Variants in UBIAD1 observed in about 807,000 individuals in gnomAD.
UBIAD1 encodes the protein ubiA prenyltransferase domain-containing protein 1.
UBIAD1 carries 12 observed loss-of-function variants against 20.1 expected under a neutral mutation model. The ratio of observed to expected loss-of-function variants is 0.60; its 90% confidence interval spans 0.38 to 0.97. UBIAD1 has a LOEUF of 0.97. Ranked by LOEUF, UBIAD1 falls within the 50% of genes least tolerant of loss-of-function variation. The probability of loss-of-function intolerance (pLI) is 0.00; values close to 1 mark genes in which losing one functional copy is unlikely to be tolerated. For missense variants in UBIAD1, 333 were observed against 419.5 expected, an observed-to-expected ratio of 0.79 and a Z score of 1.80; for synonymous variants, 207 against 189.2, an observed-to-expected ratio of 1.09 and a Z score of -0.77.
downstream of UBIAD1, among the ~76,000 whole-genome samples, chr1:11,290,258 C>T (rs1299759924): frequency 6.6e-6 from 1 of 152,218 alleles, no homozygotes; most frequent in South Asian, 2.1e-4. Context: ...TCCCAAATGT[C>T]TGGGATCACC....
downstream of UBIAD1, chr1:11,295,615 A>C (rs927723889): frequency 2.0e-5 from 3 of 152,338 alleles, no homozygotes; most frequent in Non-Finnish European, 4.4e-5. Flanking sequence ...CGCTGAGCCC[A>C]AGTCTCCTGC....
intron 1 of UBIAD1, among the ~76,000 whole-genome samples, chr1:11,284,282 G>C (rs906767825): frequency 6.6e-6 from 1 of 152,070 alleles, no homozygotes; most frequent in African/African-American, 2.4e-5. Context: ...GTGTCTGAAG[G>C]CTCTGACGGA....
chr1:11,284,070 C>T (rs1652328598), intron 1 of UBIAD1, among the ~76,000 whole-genome samples: 1 of 152,200 alleles, frequency 6.6e-6, no homozygotes, highest in Non-Finnish European at 1.5e-5. Context: ...GACACATGTC[C>T]TGCCCTCATG....
intron 1 of UBIAD1, among the ~76,000 whole-genome samples, chr1:11,280,134 G>A (rs1652193473): frequency 6.6e-6 from 1 of 152,200 alleles, no homozygotes; most frequent in African/African-American, 2.4e-5. Context: ...ACTTGAAGAC[G>A]GAAGGATAAG....
downstream of UBIAD1, among the ~76,000 whole-genome samples, chr1:11,292,990 G>A (rs982448268): frequency 6.6e-6 from 1 of 152,174 alleles, no homozygotes; most frequent in African/African-American, 2.4e-5. Flanking sequence ...ACCAAGTTGG[G>A]TTCCTGCCTG....
rs1006850959 is a variant in UBIAD1 at position 11,285,355 on chromosome 1, C to G, written c.530-289C>G. Among the ~76,000 whole-genome samples, 12 of 151,970 alleles carry G rather than the reference C, an allele frequency of 7.9e-5. No homozygotes were observed. Among genetic ancestry groups the G allele is most frequent in the African/African-American group, 2.9e-4 (12 of 41,378 alleles). ...CATTGAACTAAGAGTATAGTGGGTG[C>G]CTAGTGTGCTATGTTGCAGAGCTCT... On this transcript the variant is annotated intron_variant, in intron 1 of 1. Transcript: ENST00000376810. The surrounding 1 kb of genome is among the most constrained non-coding windows in gnomAD (Gnocchi z 4.4).
intron 1 of UBIAD1, among the ~76,000 whole-genome samples, chr1:11,276,489 C>T (rs772557086): frequency 1.3e-5 from 2 of 151,880 alleles, no homozygotes; most frequent in South Asian, 2.1e-4. Context: ...CATGGTGAAA[C>T]CTTGTCTGTA....
In UBIAD1 at chr1:11,288,200, G is replaced by A. The variant is rs1406838734; in HGVS notation, c.*2069G>A. ...TCACCCTGAGGCAGGAGGACCAAGGGCTCCCTGCGTCCACGGACCACGTAT... is the reference window on the plus strand; with the variant it reads ...TCACCCTGAGGCAGGAGGACCAAGGACTCCCTGCGTCCACGGACCACGTAT... On this transcript the variant is annotated 3_prime_UTR_variant, in exon 2 of 2. Transcript: ENST00000376810. 1 of 152,204 alleles carries A rather than the reference G, an allele frequency of 6.6e-6. No individual in the cohort carries two copies. Among genetic ancestry groups the A allele is most frequent in the Non-Finnish European group, 1.5e-5 (1 of 68,052 alleles). 9.4% of individuals were successfully genotyped at this position (152,204 alleles called of 1,614,324 possible). A position where few individuals can be genotyped will look rare whatever the true frequency, so the allele number is the denominator to read the frequency against.
At chr1:11,278,808 T>G (rs1485449925) in intron 1 of UBIAD1, 2 of 485,890 alleles carry the variant, frequency 4.1e-6, no homozygotes, top group East Asian at 6.6e-5. Flanking sequence ...GTTACAAATC[T>G]AACTGATGGG....
downstream of UBIAD1, among the ~76,000 whole-genome samples, chr1:11,291,327 G>A (rs904026014): frequency 6.6e-6 from 1 of 152,176 alleles, no homozygotes; most frequent in African/African-American, 2.4e-5. Flanking sequence ...ATGGAATGGG[G>A]CCAATCACGG....
At chr1:11,291,439 C>T (rs1047969419), downstream of UBIAD1, among the ~76,000 whole-genome samples, 38 of 131,556 alleles carry the variant, frequency 2.9e-4, no homozygotes, top group South Asian at 9.7e-4. Flanking sequence ...AAAACCCTGT[C>T]TCTACAAAAA....
Position 11,285,885 on chromosome 1 carries a change from C to T in UBIAD1, c.771C>T (p.Ser257=). Residue 257 remains serine, a synonymous_variant, in exon 2 of 2, where the codon TCC becomes TCT. Coordinates refer to ENST00000376810, the MANE Select transcript of UBIAD1 (RefSeq NM_013319.3). This position sits in a 1 kb window ranked among gnomAD's most constrained non-coding sequence, Gnocchi z 4.4. The part of the protein sequence containing the change: ...TLAILIGPTF[S]YILYNTLLFL... ...CCATCCTCATCGGCCCCACGTTCTC[C>T]TACATTCTCTACAACACACTGCTCT... 1 of 1,614,178 alleles carries T rather than the reference C, an allele frequency of 6.2e-7. No individual in the cohort carries two copies. The highest frequency in any genetic ancestry group is 8.5e-7 in the Non-Finnish European group (1 of 1,180,016).
intron 1 of UBIAD1, among the ~76,000 whole-genome samples, chr1:11,277,488 T>C (rs552183117): frequency 9.2e-5 from 14 of 151,790 alleles, no homozygotes; most frequent in Non-Finnish European, 1.8e-4. Flanking sequence ...GCCAGGCTGG[T>C]CTCTCTAACT....
intron 1 of UBIAD1, among the ~76,000 whole-genome samples, chr1:11,284,421 TAA>T (rs1188095291): frequency 6.6e-6 from 1 of 152,080 alleles, no homozygotes; most frequent in Non-Finnish European, 1.5e-5. Context: ...GATAAGGGTT[TAA>T]GTGTATGTTG....
At chr1:11,274,288 TTTTA>T (rs1392317565) in intron 1 of UBIAD1, among the ~76,000 whole-genome samples, 9 of 152,314 alleles carry the variant, frequency 5.9e-5, no homozygotes, top group Middle Eastern at 3.4e-3. Flanking sequence ...GGACATTTAT[TTTTA>T]TTTATTTTTT....
Position 11,273,929 on chromosome 1 carries a change from G to C in UBIAD1, c.398G>C (p.Arg133Pro), listed in dbSNP as rs747036820. ...DRILEPQDVVRFGVFLYTLGC... is the reference protein window; with the variant it reads ...DRILEPQDVVPFGVFLYTLGC... ...ATCTTGGAGCCGCAGGATGTCGTCC[G>C]GTTCGGAGTCTTCCTCTACACGTTG... Residue 133 changes from arginine (R) to proline (P), a missense_variant, in exon 1 of 2, where the codon CGG (arginine) becomes CCG (proline). Arg to Pro is a moderately radical substitution (Grantham distance 103). Transcript: ENST00000376810. This position sits in a 1 kb window ranked among gnomAD's most constrained non-coding sequence, Gnocchi z 4.9. The C allele has an allele frequency of 2.5e-6, 4 of 1,614,224 alleles. No individual in the cohort carries two copies. In the South Asian group the frequency reaches 3.3e-5, roughly 13 times the overall value.
At position 11,286,187 on chromosome 1, in the gene UBIAD1, C is replaced by A; in HGVS notation, c.*56C>A. ...TCCCTTTCTTAGAATATATTAAAGT[C>A]AGAGTCTCTGAGGAAGGAATGTGAT... is the stretch of plus-strand genomic sequence containing the variant. On this transcript the variant is annotated 3_prime_UTR_variant, in exon 2 of 2. Coordinates refer to ENST00000376810, the MANE Select transcript of UBIAD1 (RefSeq NM_013319.3). 6.2e-7 allele frequency: 1 copy of A among 1,610,414 alleles called. No homozygotes were observed. Among genetic ancestry groups the A allele is most frequent in the South Asian group, 1.1e-5 (1 of 90,720 alleles).
rs762139340 is a variant in UBIAD1, at chr1:11,286,154, G to A, written c.*23G>A. The A allele has an allele frequency of 2.5e-5, 41 of 1,613,922 alleles. No homozygotes were observed. The highest frequency in any genetic ancestry group is 3.4e-5 in the Non-Finnish European group (40 of 1,180,002). On this transcript the variant is annotated 3_prime_UTR_variant, in exon 2 of 2. Transcript: ENST00000376810. ...TAAGGGGACAAGTAGCTCCCCCCAC[G>A]ACATGTCTCCCTTTCTTAGAATATA... is the stretch of plus-strand genomic sequence containing the variant.
Position 11,286,175 on chromosome 1 carries a change from A to G in UBIAD1, c.*44A>G, listed in dbSNP as rs1403745380. ...CCACGACATGTCTCCCTTTCTTAGAATATATTAAAGTCAGAGTCTCTGAGG... is the reference window on the plus strand; with the variant it reads ...CCACGACATGTCTCCCTTTCTTAGAGTATATTAAAGTCAGAGTCTCTGAGG... On this transcript the variant is annotated 3_prime_UTR_variant, in exon 2 of 2. Transcript: ENST00000376810. 6.2e-7 allele frequency: 1 copy of G among 1,613,208 alleles called. No homozygotes were observed. Among genetic ancestry groups the G allele is most frequent in the Admixed American group, 1.7e-5 (1 of 60,022 alleles).
Sources: gnomAD v4.1 joint callset for allele counts (sites outside exome capture counted in the v4.1 genomes callset) on GRCh38, gnomAD v4.1.1 for gene constraint, Gnocchi (gnomAD v3.1) non-coding constraint, MANE v1.5 for transcripts, NCBI Gene and HGNC (gene_info 2026-07-23, HGNC 2026-07-21) for gene names.